The following DIP2B variants were observed in gnomAD, a reference collection of about 807,000 sequenced individuals.
The protein encoded by DIP2B is DIP2 acetate--CoA ligase B (putative).
In DIP2B, 76 loss-of-function variants were observed where a neutral mutation model predicts 198.0. That is an observed-to-expected ratio of 0.38 (90% CI 0.32 to 0.46). The LOEUF (loss-of-function observed/expected upper bound fraction) is 0.46. Among genes scored for constraint, DIP2B ranks in the 20% least tolerant of loss-of-function variants. The pLI is 0.99. For synonymous variants in DIP2B, 701 were observed against 739.1 expected (o/e 0.95, Z 0.84); for missense variants, 1,559 against 1,978.4 (o/e 0.79, Z 4.02).
chr12:50,599,878 G>T (rs1247779590), intron 1 of DIP2B, among the ~76,000 whole-genome samples: 4 of 152,078 alleles, frequency 2.6e-5, no homozygotes, highest in Admixed American at 2.6e-4. Flanking sequence ...TTGAGATTAT[G>T]ATCTTTTGTA....
chr12:50,635,813 A>G (rs1057450027), intron 2 of DIP2B, among the ~76,000 whole-genome samples: 4 of 152,252 alleles, frequency 2.6e-5, no homozygotes, highest in Admixed American at 1.3e-4. Flanking sequence ...TTGGAGATAC[A>G]CAAATAAGCA....
chr12:50,676,119 A>T (rs989804468), intron 7 of DIP2B, among the ~76,000 whole-genome samples: 1 of 152,232 alleles, frequency 6.6e-6, no homozygotes, highest in Non-Finnish European at 1.5e-5. Flanking sequence ...TAAATTATGG[A>T]TAAAACCATA....
intron 1 of DIP2B, among the ~76,000 whole-genome samples, chr12:50,574,801 A>G (rs1467896874): frequency 6.6e-6 from 1 of 152,218 alleles, no homozygotes; most frequent in Non-Finnish European, 1.5e-5. Context: ...GACTAGGCCA[A>G]TGAGCAAACC....
chr12:50,589,469 A>G (rs1485872376), intron 1 of DIP2B, among the ~76,000 whole-genome samples: 2 of 152,094 alleles, frequency 1.3e-5, no homozygotes, highest in African/African-American at 2.4e-5. Context: ...GTGAGCCACC[A>G]TGCCCAGCCA....
intron 19 of DIP2B, among the ~76,000 whole-genome samples, chr12:50,702,582 G>T (rs1333546483): frequency 6.6e-6 from 1 of 151,556 alleles, no homozygotes. Context: ...AATTATCCGG[G>T]TGCTGTGGTT....
intron 6 of DIP2B, 31 bp from the exon 7 acceptor site, chr12:50,675,297 GA>G: frequency 6.2e-7 from 1 of 1,604,020 alleles, no homozygotes; most frequent in Non-Finnish European, 8.5e-7. Context: ...TACAGTCAAT[GA>G]ATTTTAACTT....
At chr12:50,639,856 C>T (rs1593678184) in intron 2 of DIP2B, among the ~76,000 whole-genome samples, 1 of 152,128 alleles carries the variant, frequency 6.6e-6, no homozygotes, top group Admixed American at 6.5e-5. Flanking sequence ...CTGCATGATT[C>T]CACTTATATG....
intron 1 of DIP2B, among the ~76,000 whole-genome samples, chr12:50,537,199 G>T (rs1040408052): frequency 7.0e-5 from 9 of 128,178 alleles, no homozygotes; most frequent in African/African-American, 2.7e-4. Flanking sequence ...GAGCTCAAGC[G>T]ATCCACCTGC....
intron 2 of DIP2B, among the ~76,000 whole-genome samples, chr12:50,630,438 A>G (rs1412718390): frequency 6.6e-6 from 1 of 151,546 alleles, no homozygotes; most frequent in Non-Finnish European, 1.5e-5. Flanking sequence ...GTTTTGCTTT[A>G]TATGTTTTAA....
intron 23 of DIP2B, among the ~76,000 whole-genome samples, chr12:50,716,004 G>A (rs1179904542): frequency 6.6e-6 from 1 of 152,214 alleles, no homozygotes; most frequent in East Asian, 1.9e-4. Flanking sequence ...GTGACCCACA[G>A]ACCCATAGAC....
rs374158271 is a variant in DIP2B, at chr12:50,514,691, G to T, written c.100+9451G>T. On this transcript the variant is annotated intron_variant, in intron 1 of 37. Transcript: ENST00000301180. ...CTATACATTATGTTTTTGAAACAGG[G>T]TCTCACTCTGTTGCCCAGGCTGCAG... is the stretch of plus-strand genomic sequence containing the variant. Among the ~76,000 whole-genome samples, 8 of 152,166 alleles carry T rather than the reference G, an allele frequency of 5.3e-5. No homozygotes were observed. In the East Asian group the frequency reaches 1.6e-3, roughly 30 times the overall value.
At chr12:50,582,434 C>A (rs1230486853) in intron 1 of DIP2B, among the ~76,000 whole-genome samples, 1 of 151,878 alleles carries the variant, frequency 6.6e-6, no homozygotes, top group Non-Finnish European at 1.5e-5. Flanking sequence ...ACAGGCGTGA[C>A]CCACCACACC....
intron 1 of DIP2B, among the ~76,000 whole-genome samples, chr12:50,607,388 A>G (rs182226786): frequency 3.9e-4 from 59 of 152,368 alleles, no homozygotes; most frequent in African/African-American, 1.0e-3. Flanking sequence ...TCTGACTTCC[A>G]CAGCATTACA....
intron 1 of DIP2B, among the ~76,000 whole-genome samples, chr12:50,624,983 C>T (rs1368358278): frequency 7.9e-5 from 12 of 152,270 alleles, no homozygotes; most frequent in Admixed American, 6.5e-4. Context: ...ATGCTTTTTT[C>T]CCCTAATAAG....
chr12:50,690,363 G>C (rs1295667132), intron 12 of DIP2B, among the ~76,000 whole-genome samples: 6 of 152,188 alleles, frequency 3.9e-5, no homozygotes, highest in African/African-American at 1.4e-4. Flanking sequence ...TGGGATTACA[G>C]GCGTGAGCCA....
chr12:50,728,768 G>A (rs1939983970), intron 30 of DIP2B, 90 bp downstream of exon 30: 1 of 1,484,398 alleles, frequency 6.7e-7, no homozygotes, highest in East Asian at 2.4e-5. Context: ...CCCTTAATTT[G>A]GTAAAGTTTC....
rs779617308 is a variant in DIP2B at position 50,626,037 on chromosome 12, G to C, written c.162G>C (p.Pro54=). The part of the protein sequence containing the change: ...KRSKLLSPYS[P]QTQETDSAVQ... ...CCAAACTCCTATCTCCTTACAGCCC[G>C]CAGACACAAGGTAGGCAATAAAAAA... Residue 54 remains proline, a synonymous_variant, in exon 2 of 38, where the codon CCG becomes CCC. Transcript: ENST00000301180. 5.0e-6 allele frequency: 8 copies of C among 1,613,802 alleles called. No homozygotes were observed. Among genetic ancestry groups the C allele is most frequent in the Non-Finnish European group, 5.9e-6 (7 of 1,179,868 alleles).
At position 50,505,062 on chromosome 12, in the gene DIP2B, G is replaced by T. The variant is rs904763327; in HGVS notation, c.-79G>T. 3.6e-6 allele frequency: 5 copies of T among 1,392,268 alleles called. No individual in the cohort carries two copies. The highest frequency in any genetic ancestry group is 3.9e-6 in the Non-Finnish European group (4 of 1,025,806). The allele number at this position is 1,392,268 out of a possible 1,614,324, so 86.2% of individuals were successfully genotyped here. ...TCGGCGGCCGGAGCCGGATCCTGTA[G>T]CCGGGTGTGGGCCCGTGTCTGTCCG... is the stretch of plus-strand genomic sequence containing the variant. On this transcript the variant is annotated 5_prime_UTR_variant, in exon 1 of 38. It removes the in-frame stop codon of an upstream open reading frame in the 5' UTR. Coordinates refer to ENST00000301180, the MANE Select transcript of DIP2B (RefSeq NM_173602.3).
intron 4 of DIP2B, among the ~76,000 whole-genome samples, 174 bp downstream of exon 4, chr12:50,660,493 A>G (rs1236289512): frequency 6.6e-6 from 1 of 152,214 alleles, no homozygotes; most frequent in Admixed American, 6.5e-5. Flanking sequence ...ACAACACACA[A>G]AAAGATGTCT....
Sources: gnomAD v4.1 joint callset for allele counts (sites outside exome capture counted in the v4.1 genomes callset) on GRCh38, gnomAD v4.1.1 for gene constraint, MANE v1.5 for transcripts, NCBI Gene and HGNC (gene_info 2026-07-23, HGNC 2026-07-21) for gene names.